Variants in SLU7 observed in about 807,000 individuals in gnomAD.
SLU7 encodes spliceosome associated SLU7.
A neutral mutation model predicts 87.0 loss-of-function variants in SLU7; 60 were observed. The ratio of observed to expected loss-of-function variants is 0.69; its 90% confidence interval spans 0.56 to 0.86. SLU7 has a LOEUF of 0.86. SLU7 is among the 40% of genes least tolerant of loss of function. The probability of loss-of-function intolerance (pLI) is 0.00; values close to 1 mark genes in which losing one functional copy is unlikely to be tolerated. For synonymous variants in SLU7, 197 were observed against 222.0 expected, an observed-to-expected ratio of 0.89 and a Z score of 1.00; for missense variants, 507 against 686.6, an observed-to-expected ratio of 0.74 and a Z score of 2.92.
chr5:160,403,352 T>C lies in SLU7; in HGVS notation c.1694A>G (p.Glu565Gly). 6.2e-7 allele frequency: 1 copy of C among 1,613,544 alleles called. No homozygotes were observed. The highest frequency in any genetic ancestry group is 8.5e-7 in the Non-Finnish European group (1 of 1,179,802). Residue 565 changes from glutamate (E) to glycine (G), a missense_variant, in exon 16 of 16, where the codon GAA becomes GGA. By Grantham distance (98) the Glu-to-Gly change is moderately conservative. This residue lies in a region of SLU7 where 201 missense variants were observed against 213.4 expected (regional missense o/e 0.94). Coordinates refer to ENST00000297151, the MANE Select transcript of SLU7 (RefSeq NM_006425.5). ...ACGTTTCATTCTATATGCCTCCATT[T>C]CCTCTTCAGTAGGTTCTCGAGTTTC... ...MYETREPTEE[E>G]MEAYRMKRQR...
At chr5:160,414,018 C>T in intron 3 of SLU7, 39 bp from the exon 4 acceptor site, 1 of 1,240,846 alleles carries the variant, frequency 8.1e-7, no homozygotes, top group Non-Finnish European at 1.1e-6. Context: ...ATGTCTTAAC[C>T]ACGTAAGTTA....
In SLU7 at chr5:160,407,022, C is replaced by T. The variant is rs533873178; in HGVS notation, c.1126-393G>A. ...TGCAAGCAAAGGCACTTATGTACCACAGCACACTTTTTGCTGCCACTCTCT... is the reference window on the plus strand; with the variant it reads ...TGCAAGCAAAGGCACTTATGTACCATAGCACACTTTTTGCTGCCACTCTCT... On this transcript the variant is annotated intron_variant, in intron 11 of 15. Transcript: ENST00000297151. This position sits in a 1 kb window ranked among gnomAD's most constrained non-coding sequence, Gnocchi z 4.2. 6.6e-6 allele frequency among the ~76,000 whole-genome samples: 1 copy of T among 152,364 alleles called. No individual in the cohort carries two copies. The highest frequency in any genetic ancestry group is 2.1e-4 in the South Asian group (1 of 4,830).
chr5:160,415,348 C>T, intron 1 of SLU7, 38 bp from the exon 2 acceptor site: 6 of 1,462,392 alleles, frequency 4.1e-6, no homozygotes, highest in Non-Finnish European at 5.5e-6. Flanking sequence ...AAAAGTAGGC[C>T]TTCATGAATT....
In SLU7 at chr5:160,408,038, A is replaced by G. The variant is rs778130872; in HGVS notation, c.850T>C (p.Tyr284His). ...ATTGCTCTAGTTTTTGGATCATAGT[A>G]GGCAGAATTTGGATCTAAATTCCTC... ...YLRNLDPNSAYYDPKTRAMRE... is the reference protein window; with the variant it reads ...YLRNLDPNSAHYDPKTRAMRE... Residue 284 changes from tyrosine (Y) to histidine (H), a missense_variant, in exon 9 of 16, where the codon TAC becomes CAC. Tyr to His is a moderately conservative substitution (Grantham distance 83). Around this residue, in one of 6 missense-constraint regions of SLU7, gnomAD observed 49 missense variants for 144.1 expected, o/e 0.34. Coordinates refer to ENST00000297151, the MANE Select transcript of SLU7 (RefSeq NM_006425.5). 1 of 1,612,588 alleles carries G rather than the reference A, an allele frequency of 6.2e-7. No homozygotes were observed. Among genetic ancestry groups the G allele is most frequent in the Non-Finnish European group, 8.5e-7 (1 of 1,178,712 alleles).
chr5:160,417,567 C>G (rs961454971), intron 1 of SLU7, among the ~76,000 whole-genome samples: 8 of 152,136 alleles, frequency 5.3e-5, no homozygotes, highest in African/African-American at 1.9e-4. Flanking sequence ...GCGGGCGGAT[C>G]ACCTGAGGTA....
At chr5:160,414,782 C>A (rs1031972451) in intron 2 of SLU7, among the ~76,000 whole-genome samples, 1 of 152,004 alleles carries the variant, frequency 6.6e-6, no homozygotes, top group Non-Finnish European at 1.5e-5. Context: ...AGTTTTGGTT[C>A]AAATAATGTC....
At chr5:160,405,754 T>C (rs1231536156) in intron 12 of SLU7, among the ~76,000 whole-genome samples, 5 of 152,142 alleles carry the variant, frequency 3.3e-5, no homozygotes, top group African/African-American at 1.2e-4. Context: ...CATACAGGGA[T>C]AGAGAAACAA....
chr5:160,405,181 G>C, intron 12 of SLU7, 46 bp from the exon 13 acceptor site: 5 of 1,338,422 alleles, frequency 3.7e-6, no homozygotes, highest in Non-Finnish European at 5.4e-6. Flanking sequence ...GCTGAAATTA[G>C]AAACTTCTGT....
At chr5:160,412,295 T>C (rs561420031) in intron 6 of SLU7, among the ~76,000 whole-genome samples, 156 bp downstream of exon 6, 66 of 152,276 alleles carry the variant, frequency 4.3e-4, no homozygotes, top group African/African-American at 1.6e-3. Context: ...TCAATTTATA[T>C]TACTATGAAC....
intron 6 of SLU7, among the ~76,000 whole-genome samples, chr5:160,411,014 C>T (rs775499668): frequency 6.6e-5 from 10 of 151,876 alleles, no homozygotes; most frequent in Non-Finnish European, 1.5e-4. Context: ...TACAGGCGCC[C>T]GCCACCGCGA....
intron 12 of SLU7, 32 bp from the exon 13 acceptor site, chr5:160,405,167 G>A (rs752129641): frequency 4.4e-5 from 66 of 1,496,620 alleles, no homozygotes; most frequent in Admixed American, 1.7e-4. Context: ...AGCTTAAAAA[G>A]GAAGCTGAAA....
At chr5:160,408,865 T>TAC (rs1765120372) in intron 6 of SLU7, among the ~76,000 whole-genome samples, 168 bp from the exon 7 acceptor site, 1 of 49,840 alleles carries the variant, frequency 2.0e-5, no homozygotes, top group Admixed American at 2.7e-4. Context: ...AAATATTTAT[T>TAC]ATATAATATA....
intron 6 of SLU7, among the ~76,000 whole-genome samples, chr5:160,410,394 T>C (rs571632738): frequency 3.7e-4 from 57 of 152,308 alleles, no homozygotes; most frequent in African/African-American, 1.3e-3. Context: ...CTAAATCTAC[T>C]GTATGTGGTT....
chr5:160,407,800 CAGCATAACTCACTCTGT>C lies in SLU7; in HGVS notation c.918-4_930del. 1 of 1,608,816 alleles carries C rather than the reference CAGCATAACTCACTCTGT, an allele frequency of 6.2e-7. No homozygotes were observed. Among genetic ancestry groups the C allele is most frequent in the East Asian group, 2.2e-5 (1 of 44,838 alleles). On this transcript the variant is annotated splice_acceptor_variant and splice_polypyrimidine_tract_variant and coding_sequence_variant and intron_variant, in exon 10 of 16. Transcript: ENST00000297151. LOFTEE classifies it high-confidence loss of function. This position sits in a 1 kb window ranked among gnomAD's most constrained non-coding sequence, Gnocchi z 4.2. ...CCTGTGTACCTAACAAAGTTATCTCCAGCATAACTCACTCTGTAAATACAAATAAAGAAAATGTTTCA... is the reference window on the plus strand; with the variant it reads ...CCTGTGTACCTAACAAAGTTATCTCCAAATACAAATAAAGAAAATGTTTCA...
Position 160,403,471 on chromosome 5 carries a change from T to C in SLU7, c.1582-7A>G. The C allele has an allele frequency of 6.3e-7, 1 of 1,586,866 alleles. No homozygotes were observed. The highest frequency in any genetic ancestry group is 1.7e-4 in the Middle Eastern group (1 of 5,756). ...CCTCCTCTGCGTTCAGTGCCTATAG[T>C]GAGAGGAATAAAATGTGTATCACAG... On this transcript the variant is annotated splice_region_variant and splice_polypyrimidine_tract_variant and intron_variant, in intron 15 of 15. Coordinates refer to ENST00000297151, the MANE Select transcript of SLU7 (RefSeq NM_006425.5).
chr5:160,417,554 G>A (rs1380337549), intron 1 of SLU7, among the ~76,000 whole-genome samples: 1 of 152,062 alleles, frequency 6.6e-6, no homozygotes, highest in East Asian at 1.9e-4. Context: ...TTGGGAGGCC[G>A]AGGCGGGCGG....
rs748179307 is a variant in SLU7, at chr5:160,415,236, A to G, written c.59T>C (p.Met20Thr). The G allele has an allele frequency of 8.1e-6, 13 of 1,610,296 alleles. No individual in the cohort carries two copies. Among genetic ancestry groups the G allele is most frequent in the African/African-American group, 1.3e-5 (1 of 74,860 alleles). Residue 20 changes from methionine to threonine, a missense_variant, in exon 2 of 16, where the codon ATG (methionine) becomes ACG (threonine). By Grantham distance (81) the Met-to-Thr change is moderately conservative. Around this residue, in one of 6 missense-constraint regions of SLU7, gnomAD observed 33 missense variants for 37.3 expected, o/e 0.88. Coordinates refer to ENST00000297151, the MANE Select transcript of SLU7 (RefSeq NM_006425.5). ...NAAPLSGSKEMSLEEPKKMTR... is the reference protein window; with the variant it reads ...NAAPLSGSKETSLEEPKKMTR... ...CATCTTCTTTGGTTCTTCCAAACTC[A>G]TTTCTTTGGACCCCGATAGGGGTGC... is the stretch of plus-strand genomic sequence containing the variant.
intron 12 of SLU7, 75 bp from the exon 13 acceptor site, chr5:160,405,210 T>C (rs181166891): frequency 7.8e-6 from 8 of 1,030,390 alleles, no homozygotes; most frequent in African/African-American, 6.4e-5. Context: ...GATAAGAGTA[T>C]AAAATAATAC....
rs1170841691 is a variant in SLU7, at chr5:160,413,915, T to C, written c.389A>G (p.Lys130Arg). Residue 130 changes from lysine to arginine, a missense_variant, in exon 4 of 16, where the codon AAG becomes AGG. By Grantham distance (26) the Lys-to-Arg change is conservative. Around this residue, in one of 6 missense-constraint regions of SLU7, gnomAD observed 155 missense variants for 154.4 expected, o/e 1.00. Coordinates refer to ENST00000297151, the MANE Select transcript of SLU7 (RefSeq NM_006425.5). ...TGAACTTACCTCAAAGCAGTCTTTC[T>C]TTTTGTGTGTCATGGCCCCACAATT... ...CENCGAMTHK[K>R]KDCFERPRRV... is the part of the protein sequence containing the mutation. 6.3e-7 allele frequency: 1 copy of C among 1,597,466 alleles called. No homozygotes were observed. Among genetic ancestry groups the C allele is most frequent in the African/African-American group, 1.4e-5 (1 of 74,072 alleles).
Sources: allele counts gnomAD v4.1 joint callset (sites outside exome capture counted in the v4.1 genomes callset), GRCh38; gene constraint gnomAD v4.1.1; regional missense constraint gnomAD v4.1.1; non-coding constraint Gnocchi (gnomAD v3.1); transcripts MANE v1.5; gene names NCBI Gene and HGNC (gene_info 2026-07-23, HGNC 2026-07-21).